DOCK1: variants seen among roughly 807,000 people sequenced by gnomAD.
The protein encoded by DOCK1 is dedicator of cytokinesis 1.
A neutral mutation model predicts 262.7 loss-of-function variants in DOCK1; 138 were observed. The ratio of observed to expected loss-of-function variants is 0.53; its 90% CI spans 0.46 to 0.61. DOCK1 has a LOEUF of 0.61. Ranked by LOEUF, DOCK1 falls within the 20% of genes least tolerant of loss-of-function variation. The probability of loss-of-function intolerance (pLI) is 0.00; values close to 1 mark genes in which losing one functional copy is unlikely to be tolerated. For missense variants in DOCK1, 1,908 were observed against 2,370.7 expected (o/e 0.80, Z 4.05); for synonymous variants, 866 against 867.4 (o/e 1.00, Z 0.03).
intron 29 of DOCK1, among the ~76,000 whole-genome samples, chr10:127,327,536 G>A (rs542506675): frequency 6.6e-6 from 1 of 152,328 alleles, no homozygotes; most frequent in African/African-American, 2.4e-5. Context: ...TTGAGGGAAT[G>A]TTGTGGCTGG....
At chr10:127,269,972 T>C (rs1389107101) in intron 29 of DOCK1, among the ~76,000 whole-genome samples, 1 of 152,240 alleles carries the variant, frequency 6.6e-6, no homozygotes, top group Non-Finnish European at 1.5e-5. Context: ...TAAGTGGCAC[T>C]GTCTACAGAG....
At chr10:126,982,013 A>G in intron 4 of DOCK1, 40 bp downstream of exon 4, 6 of 1,603,248 alleles carry the variant, frequency 3.7e-6, no homozygotes, top group Non-Finnish European at 4.3e-6. Context: ...AATTGCAAGT[A>G]CTATATTTGG....
intron 27 of DOCK1, among the ~76,000 whole-genome samples, chr10:127,159,441 T>G (rs1319861942): frequency 6.6e-6 from 1 of 152,186 alleles, no homozygotes; most frequent in Admixed American, 6.5e-5. Flanking sequence ...AATTCCTGAA[T>G]GTATAAATAA....
At chr10:127,167,798 T>C (rs1037646508) in intron 27 of DOCK1, among the ~76,000 whole-genome samples, 1 of 151,928 alleles carries the variant, frequency 6.6e-6, no homozygotes, top group African/African-American at 2.4e-5. Flanking sequence ...TGTCTCCATT[T>C]AGTGATCCTC....
intron 29 of DOCK1, among the ~76,000 whole-genome samples, chr10:127,306,482 G>T (rs2061881341): frequency 6.6e-6 from 1 of 152,112 alleles, no homozygotes; most frequent in African/African-American, 2.4e-5. Flanking sequence ...CTGCATTTAG[G>T]AGCAGTGAAT....
intron 29 of DOCK1, among the ~76,000 whole-genome samples, chr10:127,262,750 G>C (rs934711642): frequency 3.3e-5 from 5 of 152,150 alleles, no homozygotes; most frequent in African/African-American, 7.2e-5. Flanking sequence ...GCACGTTTGC[G>C]TTCTGGAGCT....
intron 29 of DOCK1, among the ~76,000 whole-genome samples, chr10:127,287,117 C>A (rs1040602270): frequency 2.0e-5 from 3 of 151,912 alleles, no homozygotes; most frequent in African/African-American, 2.4e-5. Context: ...CTGTGTTAGC[C>A]AGGATGGTCT....
chr10:127,450,071 G>A (rs1037075811), intron 51 of DOCK1, among the ~76,000 whole-genome samples: 4 of 152,094 alleles, frequency 2.6e-5, no homozygotes, highest in African/African-American at 9.7e-5. Flanking sequence ...CAAAATAGAT[G>A]TCTCTTTTAA....
chr10:127,387,856 GT>G (rs1385526628), intron 38 of DOCK1, among the ~76,000 whole-genome samples: 1 of 69,066 alleles, frequency 1.4e-5, no homozygotes, highest in Non-Finnish European at 2.7e-5. Flanking sequence ...AAAAAACAGA[GT>G]CTTTTTTTTT....
intron 47 of DOCK1, among the ~76,000 whole-genome samples, chr10:127,429,390 CAATA>C (rs886486775): frequency 1.2e-4 from 19 of 152,070 alleles, no homozygotes; most frequent in Admixed American, 2.6e-4. Context: ...AGAAATGTGG[CAATA>C]AAACGCAGTC....
intron 29 of DOCK1, among the ~76,000 whole-genome samples, chr10:127,263,988 GA>G (rs1325428450): frequency 6.6e-6 from 1 of 152,182 alleles, no homozygotes; most frequent in Non-Finnish European, 1.5e-5. Flanking sequence ...TCACCTCGAA[GA>G]AACCGTTTCT....
chr10:127,299,240 A>C (rs1313260596), intron 29 of DOCK1, among the ~76,000 whole-genome samples: 1 of 152,204 alleles, frequency 6.6e-6, no homozygotes, highest in Non-Finnish European at 1.5e-5. Flanking sequence ...CTGGGATTAC[A>C]GGCATGCGCC....
intron 27 of DOCK1, chr10:127,137,263 A>G (rs2050780921): frequency 6.5e-6 from 1 of 152,716 alleles, no homozygotes; most frequent in African/African-American, 2.4e-5. Flanking sequence ...GCTATAGCAC[A>G]TGAAGGCAAA....
intron 27 of DOCK1, among the ~76,000 whole-genome samples, chr10:127,246,217 GT>G (rs1359074310): frequency 6.6e-6 from 1 of 152,200 alleles, no homozygotes; most frequent in Non-Finnish European, 1.5e-5. Context: ...CAGCCAGTAA[GT>G]ACCTGTCTTA....
At chr10:127,095,661 C>CTGTGTGTGTGTGTGTGTGTGTGTGTG (rs61224822) in intron 23 of DOCK1, among the ~76,000 whole-genome samples, 3 of 148,100 alleles carry the variant, frequency 2.0e-5, no homozygotes, top group African/African-American at 7.5e-5. Flanking sequence ...GGCCAGGAAG[C>CTGTGTGTGTGTGTGTGTGTGTGTGTG]TGTGTGTGTG....
intron 24 of DOCK1, among the ~76,000 whole-genome samples, chr10:127,109,565 C>T (rs948094785): frequency 1.3e-5 from 2 of 152,082 alleles, no homozygotes; most frequent in South Asian, 2.1e-4. Flanking sequence ...CAGGTAACCC[C>T]GAATCTCTTT....
chr10:127,275,019 A>C (rs1318455521), intron 29 of DOCK1, among the ~76,000 whole-genome samples: 1 of 152,142 alleles, frequency 6.6e-6, no homozygotes, highest in Non-Finnish European at 1.5e-5. Flanking sequence ...GAGGTGGCCC[A>C]ATAGAGAAGT....
intron 23 of DOCK1, among the ~76,000 whole-genome samples, chr10:127,067,886 C>G (rs1000957876): frequency 6.6e-6 from 1 of 152,018 alleles, no homozygotes; most frequent in African/African-American, 2.4e-5. Flanking sequence ...GACCAGCATG[C>G]GGATTGAACT....
intron 49 of DOCK1, among the ~76,000 whole-genome samples, chr10:127,442,653 A>G (rs1423849221): frequency 2.0e-5 from 3 of 152,204 alleles, no homozygotes; most frequent in Non-Finnish European, 4.4e-5. Flanking sequence ...CCTGCCCAGT[A>G]ATGACCTAGG....
Sources: allele counts gnomAD v4.1 joint callset (sites outside exome capture counted in the v4.1 genomes callset), GRCh38; gene constraint gnomAD v4.1.1; transcripts MANE v1.5; gene names NCBI Gene and HGNC (gene_info 2026-07-23, HGNC 2026-07-21).